Variants in ANXA7 observed in about 807,000 individuals in gnomAD.
The protein encoded by ANXA7 is annexin A7, also known as annexin VII.
Under a neutral mutation model 64.9 loss-of-function variants are expected in ANXA7, and 55 were observed. The ratio of observed to expected loss-of-function variants is 0.85; its 90% CI spans 0.68 to 1.06. The LOEUF is 1.06. Among genes scored for constraint, ANXA7 ranks in the 50% least tolerant of loss-of-function variants. The pLI is 0.00. For missense variants in ANXA7, 548 were observed against 582.1 expected, an observed-to-expected ratio of 0.94 and a Z score of 0.60; for synonymous variants, 200 against 192.4, an observed-to-expected ratio of 1.04 and a Z score of -0.33.
At chr10:73,382,413 GTTCA>G (rs1399233114) in intron 9 of ANXA7, among the ~76,000 whole-genome samples, 1 of 152,034 alleles carries the variant, frequency 6.6e-6, no homozygotes, top group African/African-American at 2.4e-5. Flanking sequence ...TGCGATCACA[GTTCA>G]CTGCAGCCTC....
At chr10:73,413,568 C>G (rs1037157787) in intron 1 of ANXA7, among the ~76,000 whole-genome samples, 10 of 152,202 alleles carry the variant, frequency 6.6e-5, no homozygotes, top group South Asian at 2.1e-4. Context: ...GCATTCTGTC[C>G]TACGGTTCAC....
At chr10:73,379,402 C>T (rs1159845927) in intron 11 of ANXA7, among the ~76,000 whole-genome samples, 1 of 152,220 alleles carries the variant, frequency 6.6e-6, no homozygotes, top group Non-Finnish European at 1.5e-5. Flanking sequence ...ATGAAACTTT[C>T]ACTTTGTTAG....
chr10:73,390,302 TC>T (rs1342094269), intron 5 of ANXA7, among the ~76,000 whole-genome samples: 1 of 152,194 alleles, frequency 6.6e-6, no homozygotes, highest in Non-Finnish European at 1.5e-5. Context: ...ACAAGCCCCA[TC>T]TTTCAGCAGC....
intron 1 of ANXA7, among the ~76,000 whole-genome samples, chr10:73,408,938 C>T (rs12245727): frequency 0.15 from 22,957 of 152,144 alleles, 2,819 homozygotes; most frequent in African/African-American, 0.32. Flanking sequence ...ATGATCTCAA[C>T]AGATGCAGAA....
Position 73,400,088 on chromosome 10 carries a change from A to G in ANXA7, c.54+715T>C, listed in dbSNP as rs537507396. On this transcript the variant is annotated intron_variant, in intron 2 of 12. Coordinates refer to ENST00000372921, the MANE Select transcript of ANXA7 (RefSeq NM_001156.5). Reference sequence around the variant, plus strand: ...AACCCAGGAGGCATAAGTTGCAGTGAGCTGAGATCACACCACTGCACTCCA... The same window carrying G: ...AACCCAGGAGGCATAAGTTGCAGTGGGCTGAGATCACACCACTGCACTCCA... 2.6e-5 allele frequency among the ~76,000 whole-genome samples: 4 copies of G among 152,220 alleles called. 1 individual carries two copies. In the South Asian group the frequency reaches 8.3e-4, roughly 32 times the overall value.
intron 3 of ANXA7, 144 bp downstream of exon 3, chr10:73,398,037 T>G (rs1051981351): frequency 6.8e-6 from 5 of 737,628 alleles, no homozygotes; most frequent in Non-Finnish European, 1.1e-5. Flanking sequence ...TCCCTCCATC[T>G]TGCCAGCTAG....
At position 73,397,163 on chromosome 10, in the gene ANXA7, C is replaced by G. The variant is rs761619878; in HGVS notation, c.370+1G>C. The stretch of plus-strand genomic sequence containing the variant: ...TTTTTTTCTGGACAGCTGGTACCTA[C>G]CAGGTAGTGGAACCTGTGCTGGACC... On this transcript the variant is annotated splice_donor_variant, in intron 4 of 12. Transcript: ENST00000372921. LOFTEE classifies it high-confidence loss of function. 6.4e-7 allele frequency: 1 copy of G among 1,573,556 alleles called. No homozygotes were observed. The highest frequency in any genetic ancestry group is 8.6e-7 in the Non-Finnish European group (1 of 1,156,210).
At chr10:73,380,784 T>C (rs1390831350) in intron 9 of ANXA7, among the ~76,000 whole-genome samples, 1 of 152,174 alleles carries the variant, frequency 6.6e-6, no homozygotes, top group Non-Finnish European at 1.5e-5. Context: ...TACTAGGAGA[T>C]ATTAACTACC....
At chr10:73,406,897 T>C (rs1303768196) in intron 1 of ANXA7, among the ~76,000 whole-genome samples, 2 of 151,926 alleles carry the variant, frequency 1.3e-5, no homozygotes, top group Non-Finnish European at 2.9e-5. Context: ...ACTCATTTCT[T>C]ACCAACACCT....
At chr10:73,394,652 C>T (rs1008789074) in intron 5 of ANXA7, among the ~76,000 whole-genome samples, 2 of 152,082 alleles carry the variant, frequency 1.3e-5, no homozygotes, top group African/African-American at 4.8e-5. Context: ...TAGGTGGGAA[C>T]TGAACAATGA....
rs2055230218 is a variant in ANXA7 at position 73,378,969 on chromosome 10, A to G, written c.1220T>C (p.Met407Thr). 1 of 1,613,790 alleles carries G rather than the reference A, an allele frequency of 6.2e-7. No individual in the cohort carries two copies. Reference protein sequence around the residue: ...AFFAERLYYAMKGAGTDDSTL... With the variant: ...AFFAERLYYATKGAGTDDSTL... ...GGAGTCATCTGTGCCAGCACCTTTC[A>G]TAGCATAGTAGAGCCTCTCAGCAAA... is the stretch of plus-strand genomic sequence containing the variant. Residue 407 changes from methionine to threonine, a missense_variant, in exon 12 of 13, where the codon ATG (methionine) becomes ACG (threonine). Transcript: ENST00000372921.
rs111724932 is a variant in ANXA7, at chr10:73,387,928, T to G, written c.539-145A>C. 4 of 650,896 alleles carry G rather than the reference T, an allele frequency of 6.1e-6. No homozygotes were observed. In the African/African-American group the frequency reaches 7.3e-5, roughly 12 times the overall value. The allele number at this position is 650,896 out of a possible 1,614,324, so 40.3% of individuals were successfully genotyped here. ...GTGCAATGGTGTGATCTAGGCTGAC[T>G]GCAATCTCCACCTCCCAGGTTCAAG... On this transcript the variant is annotated intron_variant, in intron 6 of 12. Transcript: ENST00000372921.
chr10:73,395,399 G>A (rs2055553164), intron 5 of ANXA7, among the ~76,000 whole-genome samples: 1 of 152,120 alleles, frequency 6.6e-6, no homozygotes. Context: ...ATAAAAGTAA[G>A]CATCAAGTAT....
chr10:73,396,242 G>A, intron 5 of ANXA7: 1 of 662,488 alleles, frequency 1.5e-6, no homozygotes, highest in South Asian at 1.9e-5. Flanking sequence ...CAAGGAAGAG[G>A]AAAAAGAACT....
chr10:73,395,740 C>T (rs2055559089), intron 5 of ANXA7: 7 of 436,416 alleles, frequency 1.6e-5, no homozygotes, highest in South Asian at 7.5e-5. Context: ...GAGCCGAGGT[C>T]GTGCCACTGC....
intron 5 of ANXA7, among the ~76,000 whole-genome samples, 161 bp from the exon 6 acceptor site, chr10:73,388,575 G>C (rs998445782): frequency 6.6e-6 from 1 of 152,182 alleles, no homozygotes; most frequent in African/African-American, 2.4e-5. Context: ...TTATGGAACA[G>C]ACAGGAAAGA....
chr10:73,398,522 G>A, intron 2 of ANXA7, 137 bp from the exon 3 acceptor site: 1 of 768,656 alleles, frequency 1.3e-6, no homozygotes, highest in Non-Finnish European at 2.0e-6. Context: ...AGAAATCCTG[G>A]TATCTTATAC....
chr10:73,376,292 T>C, intron 12 of ANXA7, 75 bp from the exon 13 acceptor site: 1 of 1,374,634 alleles, frequency 7.3e-7, no homozygotes. Flanking sequence ...TTTTAAATAA[T>C]AAGATCTTAA....
At chr10:73,404,414 T>G (rs1200849503) in intron 1 of ANXA7, among the ~76,000 whole-genome samples, 4 of 152,214 alleles carry the variant, frequency 2.6e-5, no homozygotes, top group African/African-American at 7.2e-5. Context: ...GACATTACTA[T>G]TTTTTTGGTG....
Sources: gnomAD v4.1 joint callset for allele counts (sites outside exome capture counted in the v4.1 genomes callset) on GRCh38, gnomAD v4.1.1 for gene constraint, MANE v1.5 for transcripts, NCBI Gene and HGNC (gene_info 2026-07-23, HGNC 2026-07-21) for gene names.